The following PTPRA variants were observed in gnomAD, a reference collection of about 807,000 sequenced individuals.
PTPRA encodes the protein protein tyrosine phosphatase receptor type A, also known as receptor-type tyrosine-protein phosphatase alpha.
In PTPRA, 25 loss-of-function variants were observed where a neutral mutation model predicts 104.8. The ratio of observed to expected loss-of-function variants is 0.24; its 90% CI spans 0.17 to 0.33. PTPRA has a LOEUF of 0.33. PTPRA is among the 10% of genes least tolerant of loss of function. The probability of loss-of-function intolerance (pLI) is 1.00; values close to 1 mark genes in which losing one functional copy is unlikely to be tolerated. For synonymous variants in PTPRA, 323 were observed against 368.9 expected, an observed-to-expected ratio of 0.88 and a Z score of 1.43; for missense variants, 765 against 1,015.3, an observed-to-expected ratio of 0.75 and a Z score of 3.35.
chr20:2,895,186 G>A (rs867486247), intron 1 of PTPRA, among the ~76,000 whole-genome samples: 4 of 151,700 alleles, frequency 2.6e-5, no homozygotes, highest in African/African-American at 7.3e-5. Context: ...AGTGATTCTC[G>A]TGCCTCAGCC....
At position 3,035,679 on chromosome 20, in the gene PTPRA, C is replaced by A; in HGVS notation, c.2015C>A (p.Thr672Asn). Residue 672 changes from threonine to asparagine, a missense_variant, in exon 21 of 24, where the codon ACC (threonine) becomes AAC (asparagine). By Grantham distance (65) the Thr-to-Asn change is moderately conservative. Coordinates refer to ENST00000399903, the MANE Select transcript of PTPRA (RefSeq NM_001385305.1). The surrounding 1 kb of genome is among the most constrained non-coding windows in gnomAD (Gnocchi z 5.8). The part of the protein sequence containing the change: ...LKKEEECESY[T>N]VRDLLVTNTR... ...AAGGAGGAGGAATGTGAGAGCTACACCGTCCGAGACCTCCTGGTCACCAAC... is the reference window on the plus strand; with the variant it reads ...AAGGAGGAGGAATGTGAGAGCTACAACGTCCGAGACCTCCTGGTCACCAAC... 6.2e-7 allele frequency: 1 copy of A among 1,614,212 alleles called. No homozygotes were observed. Among genetic ancestry groups the A allele is most frequent in the Admixed American group, 1.7e-5 (1 of 60,028 alleles).
In PTPRA at chr20:2,908,591, C is replaced by A. The variant is rs568756062; in HGVS notation, c.-128-14616C>A. 3.3e-5 allele frequency among the ~76,000 whole-genome samples: 5 copies of A among 152,130 alleles called. No individual in the cohort carries two copies. The East Asian group carries it at 9.7e-4, about 29-fold the overall frequency. ...AAAATAATGCATACCCTCCACTGTG[C>A]CTTAAAAGCATGACATTCAGGCTGG... On this transcript the variant is annotated intron_variant, in intron 1 of 23. Transcript: ENST00000399903.
chr20:2,865,185 G>A, the PTPRA span: 30 of 1,614,158 alleles, frequency 1.9e-5, no homozygotes, highest in Middle Eastern at 3.3e-4. The surrounding 1 kb of genome is among the most constrained non-coding windows in gnomAD (Gnocchi z 5.2). Context: ...CGGCTGCAGC[G>A]GCGCCTAGAA....
chr20:2,989,753 C>T (rs928922005), intron 9 of PTPRA, among the ~76,000 whole-genome samples: 11 of 152,156 alleles, frequency 7.2e-5, no homozygotes, highest in Non-Finnish European at 1.3e-4. Context: ...CACGGTGGCT[C>T]ACGCCTGTAA....
the PTPRA span, chr20:2,864,682 G>A: frequency 6.6e-5 from 106 of 1,601,520 alleles, no homozygotes; most frequent in South Asian, 9.9e-5. The surrounding 1 kb of genome is among the most constrained non-coding windows in gnomAD (Gnocchi z 5.2). Context: ...CGTGTGGGGC[G>A]TGTGGGGCAT....
chr20:2,889,393 C>T (rs1199192189), intron 1 of PTPRA, among the ~76,000 whole-genome samples: 1 of 152,158 alleles, frequency 6.6e-6, no homozygotes, highest in Non-Finnish European at 1.5e-5. Flanking sequence ...CAGTCCTTGA[C>T]AGGTCAGAGT....
chr20:2,957,113 GTC>G (rs1339714626), intron 3 of PTPRA, among the ~76,000 whole-genome samples: 7 of 152,102 alleles, frequency 4.6e-5, no homozygotes. Flanking sequence ...GTGAAACCCT[GTC>G]TCTACTAAAA....
intron 1 of PTPRA, among the ~76,000 whole-genome samples, chr20:2,909,909 A>ATT (rs1568649078): frequency 7.6e-6 from 1 of 131,346 alleles, no homozygotes; most frequent in Admixed American, 8.4e-5. Flanking sequence ...TATATGACAT[A>ATT]TATATGTTAT....
intron 1 of PTPRA, among the ~76,000 whole-genome samples, chr20:2,900,087 G>A (rs2059170083): frequency 6.6e-6 from 1 of 151,910 alleles, no homozygotes; most frequent in African/African-American, 2.4e-5. Flanking sequence ...TCTAGCCTGG[G>A]CGACAGAGTG....
At chr20:3,034,052 C>T (rs1293755405) in intron 20 of PTPRA, among the ~76,000 whole-genome samples, 1 of 152,064 alleles carries the variant, frequency 6.6e-6, no homozygotes, top group African/African-American at 2.4e-5. Context: ...AGGTGGATCA[C>T]CTGAGGTCAA....
chr20:3,004,297 C>T (rs540947915), intron 9 of PTPRA, among the ~76,000 whole-genome samples: 86 of 152,306 alleles, frequency 5.6e-4, no homozygotes, highest in Non-Finnish European at 7.4e-5. Flanking sequence ...GGATTACAGG[C>T]GTGAGCCACT....
chr20:2,926,731 C>T (rs1344036528), intron 2 of PTPRA, among the ~76,000 whole-genome samples: 4 of 148,866 alleles, frequency 2.7e-5, no homozygotes, highest in African/African-American at 9.9e-5. Flanking sequence ...TAATTTTCAG[C>T]ACTCTTTCCT....
intron 20 of PTPRA, among the ~76,000 whole-genome samples, chr20:3,030,676 CTTTTTTTTT>C (rs1180681994): frequency 1.5e-5 from 1 of 67,732 alleles, no homozygotes; most frequent in East Asian, 5.1e-4. Flanking sequence ...TCTCCCTCTG[CTTTTTTTTT>C]TTTTTTTTTT....
At chr20:3,003,700 ATTTTTTTTTT>A (rs59358849) in intron 9 of PTPRA, among the ~76,000 whole-genome samples, 9,878 of 105,626 alleles carry the variant, frequency 0.094, 492 homozygotes, top group Admixed American at 0.15. Flanking sequence ...ATACCTGGCT[ATTTTTTTTTT>A]TTTTTTTTTT....
intron 2 of PTPRA, among the ~76,000 whole-genome samples, chr20:2,946,928 CCT>C (rs1379128892): frequency 6.6e-6 from 1 of 151,922 alleles, no homozygotes; most frequent in Admixed American, 6.6e-5. Flanking sequence ...ATTTTATCTG[CCT>C]CCTGGATGAA....
the PTPRA span, chr20:2,865,769 G>C: frequency 1.9e-6 from 1 of 516,166 alleles, no homozygotes; most frequent in African/African-American, 1.9e-5. The surrounding 1 kb of genome is among the most constrained non-coding windows in gnomAD (Gnocchi z 5.2). Flanking sequence ...TGTGCTAGAG[G>C]GAAAGTCTTG....
chr20:2,962,061 T>C (rs1311569184), intron 3 of PTPRA, among the ~76,000 whole-genome samples: 3 of 152,214 alleles, frequency 2.0e-5, no homozygotes, highest in Admixed American at 1.3e-4. Flanking sequence ...AATATTGAGT[T>C]GCCCCTTCAG....
chr20:2,909,879 A>G (rs1308600609), intron 1 of PTPRA, among the ~76,000 whole-genome samples: 2 of 132,166 alleles, frequency 1.5e-5, no homozygotes, highest in Non-Finnish European at 3.1e-5. Flanking sequence ...TAATTAAAAT[A>G]TATTAATTAT....
chr20:2,893,775 T>C (rs2058888293), intron 1 of PTPRA, among the ~76,000 whole-genome samples: 1 of 152,168 alleles, frequency 6.6e-6, no homozygotes, highest in Admixed American at 6.5e-5. Flanking sequence ...CCAAAGAGTA[T>C]GTAAAAGCAT....
Sources: gnomAD v4.1 joint callset for allele counts (sites outside exome capture counted in the v4.1 genomes callset) on GRCh38, gnomAD v4.1.1 for gene constraint, Gnocchi (gnomAD v3.1) non-coding constraint, MANE v1.5 for transcripts, NCBI Gene and HGNC (gene_info 2026-07-23, HGNC 2026-07-21) for gene names.